MAGI2: variants seen among roughly 807,000 people sequenced by gnomAD.
MAGI2 encodes the protein membrane-associated guanylate kinase, WW and PDZ domain-containing protein 2.
Under a neutral mutation model 133.3 loss-of-function variants are expected in MAGI2, and 35 were observed. The observed-to-expected ratio is 0.26, with a 90% CI of 0.20 to 0.35. The LOEUF is 0.35. Among genes scored for constraint, MAGI2 ranks in the 10% least tolerant of loss-of-function variants. The pLI, the probability that MAGI2 is intolerant of heterozygous loss-of-function variation, is 1.00. For missense variants in MAGI2, 1,636 were observed against 1,863.4 expected (o/e 0.88, Z 2.25); for synonymous variants, 729 against 710.6 (o/e 1.03, Z -0.41).
chr7:78,683,048 G>T (rs1815866290), intron 2 of MAGI2, among the ~76,000 whole-genome samples: 1 of 152,090 alleles, frequency 6.6e-6, no homozygotes, highest in Non-Finnish European at 1.5e-5. Context: ...GTGAATTATG[G>T]AAGAAAATAT....
At chr7:79,363,358 G>T (rs1212189098) in intron 1 of MAGI2, among the ~76,000 whole-genome samples, 1 of 143,102 alleles carries the variant, frequency 7.0e-6, no homozygotes, top group African/African-American at 2.6e-5. Flanking sequence ...TAAAGAGAGA[G>T]ACATACTCTG....
At chr7:79,377,828 AT>A (rs138461669) in intron 1 of MAGI2, among the ~76,000 whole-genome samples, 3,876 of 151,934 alleles carry the variant, frequency 0.026, 92 homozygotes, top group Non-Finnish European at 0.041. Flanking sequence ...AATAGCTTTA[AT>A]CATCCTCATC....
intron 2 of MAGI2, among the ~76,000 whole-genome samples, chr7:78,977,692 A>G (rs1804415396): frequency 6.6e-6 from 1 of 151,774 alleles, no homozygotes; most frequent in East Asian, 1.9e-4. Context: ...ATTAGACTTT[A>G]TTACAATTTA....
intron 1 of MAGI2, among the ~76,000 whole-genome samples, chr7:79,281,538 A>G (rs201084473): frequency 1.6e-5 from 2 of 124,752 alleles, no homozygotes; most frequent in Non-Finnish European, 3.7e-5. Context: ...AGTTTAGAAG[A>G]AAAAAAAGAG....
At chr7:78,360,086 A>C (rs1042941975) in intron 7 of MAGI2, among the ~76,000 whole-genome samples, 4 of 152,226 alleles carry the variant, frequency 2.6e-5, no homozygotes, top group Admixed American at 1.3e-4. Flanking sequence ...TTACCCAGTT[A>C]GGGTAAAACA....
chr7:78,755,340 C>T lies in MAGI2; in HGVS notation c.419-128101G>A, dbSNP rs184449333. On this transcript the variant is annotated intron_variant, in intron 2 of 21. Transcript: ENST00000354212. ...GGTTTCATTTGTTTTTGGAAACATACGTACTCGAGTATTTTGAATATTCAT... is the reference window on the plus strand; with the variant it reads ...GGTTTCATTTGTTTTTGGAAACATATGTACTCGAGTATTTTGAATATTCAT... Among the ~76,000 whole-genome samples the T allele has an allele frequency of 2.6e-5, 4 of 152,242 alleles. No homozygotes were observed. In the East Asian group the frequency reaches 5.8e-4, roughly 22 times the overall value.
rs550842551 is a variant in MAGI2 at position 78,426,912 on chromosome 7, G to T, written c.1046-57699C>A. Among the ~76,000 whole-genome samples, 10 of 152,218 alleles carry T rather than the reference G, an allele frequency of 6.6e-5. No homozygotes were observed. In the South Asian group the frequency reaches 2.1e-3, roughly 32 times the overall value. ...AACATATTACGTACAAATAAAAACA[G>T]ACAAATAATGGAGTTTATATGTACG... is the stretch of plus-strand genomic sequence containing the variant. On this transcript the variant is annotated intron_variant, in intron 6 of 21. Coordinates refer to ENST00000354212, the MANE Select transcript of MAGI2 (RefSeq NM_012301.4).
intron 6 of MAGI2, among the ~76,000 whole-genome samples, chr7:78,432,577 T>G (rs1799902766): frequency 1.3e-5 from 2 of 152,064 alleles, no homozygotes; most frequent in Admixed American, 6.6e-5. Context: ...ACAGAACATA[T>G]TAGTATTTTG....
At chr7:78,100,949 C>T (rs1015638806) in intron 20 of MAGI2, among the ~76,000 whole-genome samples, 2 of 148,804 alleles carry the variant, frequency 1.3e-5, no homozygotes, top group African/African-American at 5.0e-5. Context: ...ATTCCATTTA[C>T]AATAGCATCA....
In MAGI2 at chr7:79,437,432, T is replaced by TAC. The variant is rs749763112; in HGVS notation, c.301+15586_301+15587dup. 5.9e-5 allele frequency among the ~76,000 whole-genome samples: 9 copies of TAC among 152,160 alleles called. No individual in the cohort carries two copies. The South Asian group carries it at 1.7e-3, about 28-fold the overall frequency. ...TACAGGATGGTTTTTGATACATATATACACACACACATGCATACACACACA... is the reference window on the plus strand; with the variant it reads ...TACAGGATGGTTTTTGATACATATATACACACACACACATGCATACACACACA... On this transcript the variant is annotated intron_variant, in intron 1 of 21. Coordinates refer to ENST00000354212, the MANE Select transcript of MAGI2 (RefSeq NM_012301.4).
chr7:78,211,372 G>T (rs978676387), intron 10 of MAGI2, among the ~76,000 whole-genome samples: 5 of 152,192 alleles, frequency 3.3e-5, no homozygotes, highest in Non-Finnish European at 7.4e-5. Flanking sequence ...TTTCTGAGGT[G>T]GTGGAGTGAG....
At chr7:78,245,606 AC>A (rs1181004387) in intron 10 of MAGI2, among the ~76,000 whole-genome samples, 1 of 151,962 alleles carries the variant, frequency 6.6e-6, no homozygotes, top group Non-Finnish European at 1.5e-5. Context: ...ATGGAAGGAA[AC>A]CCCTGGCCTC....
At chr7:78,454,157 T>C (rs1002133064) in intron 6 of MAGI2, among the ~76,000 whole-genome samples, 2 of 152,172 alleles carry the variant, frequency 1.3e-5, no homozygotes, top group African/African-American at 2.4e-5. Context: ...CAGAGCATAA[T>C]GTGATTACTC....
chr7:79,030,249 T>C (rs1810435292), intron 1 of MAGI2: 1 of 152,156 alleles, frequency 6.6e-6, no homozygotes, highest in African/African-American at 2.4e-5. Context: ...TGTGTTCACA[T>C]AGGCAGCACA....
chr7:79,203,486 C>A (rs758196032), intron 1 of MAGI2, among the ~76,000 whole-genome samples: 1 of 151,984 alleles, frequency 6.6e-6, no homozygotes. Flanking sequence ...TCTGTAGTAA[C>A]CTCATTAGAG....
intron 12 of MAGI2, 34 bp from the exon 13 acceptor site, chr7:78,185,704 T>G (rs1228463996): frequency 6.6e-7 from 1 of 1,520,732 alleles, no homozygotes; most frequent in South Asian, 1.2e-5. Flanking sequence ...AAGTTGAAAT[T>G]CATTTATGGC....
intron 1 of MAGI2, among the ~76,000 whole-genome samples, chr7:79,112,178 C>G (rs939970681): frequency 6.6e-6 from 1 of 151,768 alleles, no homozygotes; most frequent in African/African-American, 2.4e-5. Flanking sequence ...CATCACCTTC[C>G]CGCCTACATC....
chr7:78,509,776 T>C (rs532202541), intron 4 of MAGI2, among the ~76,000 whole-genome samples: 5 of 152,310 alleles, frequency 3.3e-5, no homozygotes, highest in East Asian at 1.9e-4. Context: ...AGAAGAAGAA[T>C]ACACATTTAA....
intron 9 of MAGI2, among the ~76,000 whole-genome samples, chr7:78,324,153 C>CACACTACACT: frequency 6.9e-6 from 1 of 144,312 alleles, no homozygotes; most frequent in African/African-American, 2.6e-5. Flanking sequence ...CACTACACTA[C>CACACTACACT]ACACTACACT....
Sources: gnomAD v4.1 joint callset for allele counts (sites outside exome capture counted in the v4.1 genomes callset) on GRCh38, gnomAD v4.1.1 for gene constraint, MANE v1.5 for transcripts, NCBI Gene and HGNC (gene_info 2026-07-23, HGNC 2026-07-21) for gene names.